Variants in CPQ observed in about 807,000 individuals in gnomAD.
CPQ encodes the protein carboxypeptidase Q, also known as Ser-Met dipeptidase.
Under a neutral mutation model 45.7 loss-of-function variants are expected in CPQ, and 37 were observed. The ratio of observed to expected loss-of-function variants is 0.81; its 90% CI spans 0.62 to 1.07. CPQ has a LOEUF of 1.07. Ranked by LOEUF, CPQ falls within the 50% of genes least tolerant of loss-of-function variation. CPQ has a pLI of 0.00. For missense variants in CPQ, 537 were observed against 572.9 expected (o/e 0.94, Z 0.64); for synonymous variants, 186 against 205.8 (o/e 0.90, Z 0.82).
intron 2 of CPQ, among the ~76,000 whole-genome samples, chr8:96,799,623 C>T (rs191407894): frequency 6.6e-6 from 1 of 152,234 alleles, no homozygotes; most frequent in East Asian, 1.9e-4. Context: ...CTCTCTGTAT[C>T]AAATTAGGGA....
chr8:97,074,672 G>A (rs1031964517), intron 7 of CPQ, among the ~76,000 whole-genome samples: 2 of 152,154 alleles, frequency 1.3e-5, no homozygotes, highest in African/African-American at 4.8e-5. Flanking sequence ...CCGGGAGGCT[G>A]AGGCAGGAGA....
intron 7 of CPQ, among the ~76,000 whole-genome samples, chr8:97,104,126 G>A (rs1356152336): frequency 6.6e-6 from 1 of 152,216 alleles, no homozygotes; most frequent in East Asian, 1.9e-4. Flanking sequence ...CATAATAATC[G>A]CTCAACAAGT....
At chr8:97,123,015 A>G (rs1811757672) in intron 7 of CPQ, among the ~76,000 whole-genome samples, 1 of 55,974 alleles carries the variant, frequency 1.8e-5, no homozygotes, top group South Asian at 5.0e-4. Context: ...AAAATAAAAT[A>G]AAATAAAATA....
At chr8:96,838,324 C>T (rs1335274735) in intron 3 of CPQ, among the ~76,000 whole-genome samples, 1 of 152,086 alleles carries the variant, frequency 6.6e-6, no homozygotes, top group Non-Finnish European at 1.5e-5. Flanking sequence ...CAGAATGTGG[C>T]CTTCTGCTCC....
intron 7 of CPQ, among the ~76,000 whole-genome samples, chr8:97,123,174 A>AAT (rs1563587322): frequency 1.8e-4 from 11 of 60,114 alleles, no homozygotes; most frequent in Non-Finnish European, 2.5e-4. Flanking sequence ...AAATAAAATA[A>AAT]AATATAAAAT....
chr8:96,778,759 G>A (rs1047680256), intron 1 of CPQ, among the ~76,000 whole-genome samples: 2 of 152,034 alleles, frequency 1.3e-5, no homozygotes, highest in African/African-American at 2.4e-5. Flanking sequence ...GAGACATTAA[G>A]TATTATTATA....
intron 3 of CPQ, among the ~76,000 whole-genome samples, chr8:96,839,111 AT>A (rs1811571132): frequency 2.1e-5 from 3 of 142,822 alleles, no homozygotes; most frequent in Non-Finnish European, 4.7e-5. Flanking sequence ...ATATATATAT[AT>A]TATGATTTGT....
intron 5 of CPQ, among the ~76,000 whole-genome samples, chr8:96,994,968 G>A (rs1461228911): frequency 6.6e-6 from 1 of 152,036 alleles, no homozygotes; most frequent in Non-Finnish European, 1.5e-5. Flanking sequence ...TCTAGTGAAT[G>A]ATGGGAGCCT....
At chr8:96,653,855 G>T (rs980928408) in intron 1 of CPQ, among the ~76,000 whole-genome samples, 2 of 152,138 alleles carry the variant, frequency 1.3e-5, no homozygotes, top group African/African-American at 4.8e-5. Context: ...GAGGTGAAAG[G>T]CGAGGGAGGA....
intron 6 of CPQ, among the ~76,000 whole-genome samples, chr8:97,036,014 G>A (rs551160429): frequency 3.2e-4 from 48 of 152,200 alleles, no homozygotes; most frequent in African/African-American, 1.1e-3. Flanking sequence ...GCCGCCTTAA[G>A]ACTATCTTCA....
At chr8:96,812,943 A>G (rs933320765) in intron 2 of CPQ, among the ~76,000 whole-genome samples, 2 of 151,850 alleles carry the variant, frequency 1.3e-5, no homozygotes, top group African/African-American at 2.4e-5. Context: ...TGACAGTGAT[A>G]TGGGTCCTCA....
chr8:97,068,038 G>A (rs1164746928), intron 7 of CPQ, among the ~76,000 whole-genome samples: 2 of 152,148 alleles, frequency 1.3e-5, no homozygotes, highest in Non-Finnish European at 2.9e-5. Flanking sequence ...ACGGGGGGTG[G>A]TTCAAGGTGA....
chr8:96,929,937 G>T (rs557905608), intron 4 of CPQ, among the ~76,000 whole-genome samples: 1 of 152,130 alleles, frequency 6.6e-6, no homozygotes, highest in East Asian at 1.9e-4. Flanking sequence ...CTGTGTTCAG[G>T]TCAAAGCTTG....
At position 96,926,576 on chromosome 8, in the gene CPQ, C is replaced by CTCTTCTTCTTCTTCTTCTTCTTCTTCT. The variant is rs60745622; in HGVS notation, c.850-39337_850-39311dup. On this transcript the variant is annotated intron_variant, in intron 4 of 7. Transcript: ENST00000220763. ...CCTCTTCCTCTTCCTCTTCCTCTTC[C>CTCTTCTTCTTCTTCTTCTTCTTCTTCT]TCTTCTTCTTCTTCTTCTTCTTCTT... Among the ~76,000 whole-genome samples, 576 of 75,014 alleles carry CTCTTCTTCTTCTTCTTCTTCTTCTTCT rather than the reference C, an allele frequency of 7.7e-3. 21 individuals carry two copies. The highest frequency in any genetic ancestry group is 0.024 in the Middle Eastern group (4 of 166). The allele number at this position is 75,014 out of a possible 152,430, so 49.2% of individuals were successfully genotyped here.
At chr8:97,022,859 T>C (rs541344459) in intron 5 of CPQ, among the ~76,000 whole-genome samples, 1 of 151,510 alleles carries the variant, frequency 6.6e-6, no homozygotes, top group East Asian at 1.9e-4. Flanking sequence ...TACCATTTGA[T>C]CCAGCAATCC....
At position 97,101,913 on chromosome 8, in the gene CPQ, G is replaced by GCT. The variant is rs71512450; in HGVS notation, c.1255+35731_1255+35732dup. Among the ~76,000 whole-genome samples, 634 of 119,562 alleles carry GCT rather than the reference G, an allele frequency of 5.3e-3. 1 individual carries two copies. Among genetic ancestry groups the GCT allele is most frequent in the Middle Eastern group, 0.014 (3 of 220 alleles). 78.4% of individuals were successfully genotyped at this position (119,562 alleles called of 152,430 possible). A position where few individuals can be genotyped will look rare whatever the true frequency, so the allele number is the denominator to read the frequency against. On this transcript the variant is annotated intron_variant, in intron 7 of 7. Transcript: ENST00000220763. ...TTCATTTTTATTCATTAGATTGGTGGCTCTCTCTCTCTCTCTCTCTCTCTC... is the reference window on the plus strand; with the variant it reads ...TTCATTTTTATTCATTAGATTGGTGGCTCTCTCTCTCTCTCTCTCTCTCTCTC...
chr8:96,746,323 A>T (rs1529551), intron 1 of CPQ, among the ~76,000 whole-genome samples: 80,603 of 152,066 alleles, frequency 0.53, 22,816 homozygotes, highest in East Asian at 0.86. Context: ...TTAAAATACA[A>T]ATATTTCTAC....
At chr8:96,827,867 T>A (rs540996785) in intron 2 of CPQ, among the ~76,000 whole-genome samples, 1 of 152,228 alleles carries the variant, frequency 6.6e-6, no homozygotes, top group South Asian at 2.1e-4. Flanking sequence ...TATCGAATAA[T>A]GCATAATGTA....
rs1272003975 is a variant in CPQ at position 97,129,194 on chromosome 8, G to T, written c.1256-13826G>T. On this transcript the variant is annotated intron_variant, in intron 7 of 7. Transcript: ENST00000220763. Reference sequence around the variant, plus strand: ...AGAAGTTCCCTGGAAAGAAAAGATGGGTGCTGATGTGGGCAGGGGCCATCT... The same window carrying T: ...AGAAGTTCCCTGGAAAGAAAAGATGTGTGCTGATGTGGGCAGGGGCCATCT... Among the ~76,000 whole-genome samples the T allele has an allele frequency of 2.0e-5, 3 of 152,082 alleles. No homozygotes were observed. In the East Asian group the frequency reaches 5.8e-4, roughly 29 times the overall value.
Sources: gnomAD v4.1 joint callset for allele counts (sites outside exome capture counted in the v4.1 genomes callset) on GRCh38, gnomAD v4.1.1 for gene constraint, MANE v1.5 for transcripts, NCBI Gene and HGNC (gene_info 2026-07-23, HGNC 2026-07-21) for gene names.